Variants in KCNH8 observed in about 807,000 individuals in gnomAD.
The protein encoded by KCNH8 is voltage-gated delayed rectifier potassium channel KCNH8.
Under a neutral mutation model 103.6 loss-of-function variants are expected in KCNH8, and 70 were observed. The ratio of observed to expected loss-of-function variants is 0.68; its 90% CI spans 0.56 to 0.82. The LOEUF (loss-of-function observed/expected upper bound fraction) is 0.82. Among genes scored for constraint, KCNH8 ranks in the 40% least tolerant of loss-of-function variants. The pLI is 0.00. For missense variants in KCNH8, 1,217 were observed against 1,329.9 expected (o/e 0.92, Z 1.32); for synonymous variants, 498 against 489.4 (o/e 1.02, Z -0.23).
At chr3:19,272,494 GT>G (rs1480264457) in intron 2 of KCNH8, among the ~76,000 whole-genome samples, 1 of 152,018 alleles carries the variant, frequency 6.6e-6, no homozygotes, top group Non-Finnish European at 1.5e-5. Context: ...GTGAGGCAGG[GT>G]TGCTAAGACA....
At chr3:19,293,721 T>C (rs1261826846) in intron 3 of KCNH8, among the ~76,000 whole-genome samples, 1 of 152,232 alleles carries the variant, frequency 6.6e-6, no homozygotes, top group Non-Finnish European at 1.5e-5. Context: ...TTGGTTTTAA[T>C]TGTAATTGTT....
At chr3:19,318,394 G>T (rs1294420762) in intron 3 of KCNH8, among the ~76,000 whole-genome samples, 1 of 151,662 alleles carries the variant, frequency 6.6e-6, no homozygotes, top group Non-Finnish European at 1.5e-5. Context: ...AGTATACACT[G>T]TACCCAATGT....
At chr3:19,452,787 T>A (rs1231171415) in intron 10 of KCNH8, among the ~76,000 whole-genome samples, 1 of 152,324 alleles carries the variant, frequency 6.6e-6, no homozygotes, top group East Asian at 1.9e-4. Flanking sequence ...GGTGAAGGTA[T>A]TTTCTCTGAT....
chr3:19,346,360 A>G (rs981123609), intron 4 of KCNH8, among the ~76,000 whole-genome samples: 6 of 152,072 alleles, frequency 3.9e-5, no homozygotes, highest in African/African-American at 1.4e-4. Context: ...AGGAGACAGG[A>G]CAAATATGAG....
chr3:19,283,519 T>C (rs1323499132), intron 3 of KCNH8, among the ~76,000 whole-genome samples: 1 of 152,142 alleles, frequency 6.6e-6, no homozygotes, highest in Non-Finnish European at 1.5e-5. Flanking sequence ...TATAAAAATA[T>C]TACTTCTAAT....
In KCNH8 at chr3:19,501,019, C is replaced by T. The variant is rs1575147798; in HGVS notation, c.2041-9344C>T. ...TTTTTGAAAGGATCAACAAAATTGA[C>T]AGACCACTAGCAAGACTAATAAAGA... On this transcript the variant is annotated intron_variant, in intron 11 of 15. Transcript: ENST00000328405. Among the ~76,000 whole-genome samples the T allele has an allele frequency of 3.9e-5, 6 of 152,108 alleles. No individual in the cohort carries two copies. The East Asian group carries it at 7.7e-4, about 20-fold the overall frequency.
chr3:19,377,501 T>G (rs962308632), intron 5 of KCNH8, among the ~76,000 whole-genome samples: 1 of 152,182 alleles, frequency 6.6e-6, no homozygotes, highest in East Asian at 1.9e-4. Context: ...AATCATCTGG[T>G]TTTTCCTGAA....
chr3:19,353,393 A>T (rs1464787291), intron 5 of KCNH8, among the ~76,000 whole-genome samples: 1 of 152,232 alleles, frequency 6.6e-6, no homozygotes, highest in Non-Finnish European at 1.5e-5. Flanking sequence ...TGAGGTCAGC[A>T]TCATCCTGAT....
chr3:19,510,242 C>T, intron 11 of KCNH8, 121 bp from the exon 12 acceptor site: 1 of 686,876 alleles, frequency 1.5e-6, no homozygotes, highest in Non-Finnish European at 2.7e-6. Context: ...ACACCCCTTC[C>T]TGTGCTCCTT....
At chr3:19,288,181 C>CTTTTTTTTTTTCTTTTTT (rs2064861256) in intron 3 of KCNH8, among the ~76,000 whole-genome samples, 41 of 38,184 alleles carry the variant, frequency 1.1e-3, no homozygotes, top group African/African-American at 3.6e-3. Flanking sequence ...TATCAAACTT[C>CTTTTTTTTTTTCTTTTTT]TTTTTTTTTT....
Position 19,534,246 on chromosome 3 carries a change from C to T in KCNH8, c.*147C>T. The T allele has an allele frequency of 1.6e-6, 1 of 625,576 alleles. No individual in the cohort carries two copies. Among genetic ancestry groups the T allele is most frequent in the East Asian group, 2.7e-5 (1 of 36,652 alleles). The allele number at this position is 625,576 out of a possible 1,614,324, so 38.8% of individuals were successfully genotyped here. Reference sequence around the variant, plus strand: ...TGTGAGGAGCCAGGGAAAGGCAGAACCACCTCCATGCTGTAGCAAACAATT... The same window carrying T: ...TGTGAGGAGCCAGGGAAAGGCAGAATCACCTCCATGCTGTAGCAAACAATT... On this transcript the variant is annotated 3_prime_UTR_variant, in exon 16 of 16. Transcript: ENST00000328405.
chr3:19,182,890 T>G (rs545736141), intron 1 of KCNH8, among the ~76,000 whole-genome samples: 21 of 152,218 alleles, frequency 1.4e-4, no homozygotes, highest in Non-Finnish European at 2.6e-4. Flanking sequence ...AATAGTTGTT[T>G]TTAAGCCACA....
chr3:19,489,365 G>A (rs759163764), intron 11 of KCNH8, among the ~76,000 whole-genome samples: 1 of 152,142 alleles, frequency 6.6e-6, no homozygotes, highest in Non-Finnish European at 1.5e-5. Context: ...TTTGCTACTA[G>A]TACTGCTGCT....
chr3:19,397,651 T>A (rs2125136135), intron 7 of KCNH8, among the ~76,000 whole-genome samples: 1 of 151,780 alleles, frequency 6.6e-6, no homozygotes, highest in African/African-American at 2.4e-5. Flanking sequence ...TCATGGCATG[T>A]CAAATAATTG....
chr3:19,487,980 C>T (rs2068245003), intron 11 of KCNH8, among the ~76,000 whole-genome samples: 1 of 152,204 alleles, frequency 6.6e-6, no homozygotes, highest in Admixed American at 6.5e-5. Flanking sequence ...GTGGTCACTA[C>T]TGAATGTTCA....
At chr3:19,340,344 TATTTTTTTTTTA>T (rs1261608030) in intron 3 of KCNH8, among the ~76,000 whole-genome samples, 2 of 114,272 alleles carry the variant, frequency 1.8e-5, no homozygotes, top group Non-Finnish European at 3.5e-5. Context: ...TTATTTTTTT[TATTTTTTTTTTA>T]ATTTTTTTTT....
At chr3:19,267,023 A>G (rs1277967422) in intron 2 of KCNH8, among the ~76,000 whole-genome samples, 2 of 152,016 alleles carry the variant, frequency 1.3e-5, no homozygotes, top group African/African-American at 4.8e-5. Context: ...GGGTTGTTCT[A>G]AGGCATTTTA....
chr3:19,289,704 G>T lies in KCNH8; in HGVS notation c.442+8375G>T, dbSNP rs376107043. 3.1e-3 allele frequency among the ~76,000 whole-genome samples: 465 copies of T among 152,144 alleles called. 1 individual carries two copies. Among genetic ancestry groups the T allele is most frequent in the Admixed American group, 5.3e-3 (81 of 15,282 alleles). ...TGGAGGATTCCAGCCAAATCTTTTG[G>T]CTTAGGATTGACTTGGCAACTCGGG... is the stretch of plus-strand genomic sequence containing the variant. On this transcript the variant is annotated intron_variant, in intron 3 of 15. Coordinates refer to ENST00000328405, the MANE Select transcript of KCNH8 (RefSeq NM_144633.3).
intron 13 of KCNH8, among the ~76,000 whole-genome samples, chr3:19,513,777 G>T (rs1009444515): frequency 6.6e-6 from 1 of 152,030 alleles, no homozygotes; most frequent in African/African-American, 2.4e-5. Flanking sequence ...TATTATCAAG[G>T]ACGGCTAAAA....
Sources: gnomAD v4.1 joint callset for allele counts (sites outside exome capture counted in the v4.1 genomes callset) on GRCh38, gnomAD v4.1.1 for gene constraint, MANE v1.5 for transcripts, NCBI Gene and HGNC (gene_info 2026-07-23, HGNC 2026-07-21) for gene names.